Variants in RGS5 observed in about 807,000 individuals in gnomAD.
RGS5 encodes regulator of G protein signaling 5, also known as regulator of G-protein signalling 5.
In RGS5, 20 loss-of-function variants were observed where a neutral mutation model predicts 18.9. That is an observed-to-expected ratio of 1.06 (90% CI 0.74 to 1.54). RGS5 has a LOEUF of 1.54. Ranked by LOEUF, RGS5 falls within the 40% of genes most tolerant of loss-of-function variation. RGS5 has a pLI of 0.00. For missense variants in RGS5, 201 were observed against 211.8 expected (o/e 0.95, Z 0.32); for synonymous variants, 57 against 76.2 (o/e 0.75, Z 1.31).
At chr1:163,188,209 G>A (rs989450822) in intron 1 of RGS5, among the ~76,000 whole-genome samples, 2 of 152,134 alleles carry the variant, frequency 1.3e-5, no homozygotes, top group African/African-American at 4.8e-5. Context: ...CATTGGATAT[G>A]TAAGGAAATA....
chr1:163,167,395 T>C (rs141481866), intron 2 of RGS5, among the ~76,000 whole-genome samples: 36 of 152,264 alleles, frequency 2.4e-4, no homozygotes, highest in African/African-American at 8.2e-4. Context: ...GAAGATGGAG[T>C]GTATCTGTCT....
chr1:163,176,689 T>C (rs1417573572), intron 1 of RGS5, among the ~76,000 whole-genome samples: 2 of 152,088 alleles, frequency 1.3e-5, no homozygotes, highest in Non-Finnish European at 2.9e-5. Context: ...GTTCACTTAT[T>C]TATTCAACAA....
chr1:163,153,842 A>ATATG (rs397773979), intron 3 of RGS5, among the ~76,000 whole-genome samples: 4 of 151,750 alleles, frequency 2.6e-5, no homozygotes, highest in Admixed American at 2.0e-4. Flanking sequence ...ATATATATAT[A>ATATG]AACCAAAATT....
intron 2 of RGS5, among the ~76,000 whole-genome samples, chr1:163,248,036 T>C (rs1259168703): frequency 2.0e-5 from 3 of 152,186 alleles, no homozygotes; most frequent in African/African-American, 4.8e-5. Flanking sequence ...CTCATAAATA[T>C]GTAGTTAGAA....
At chr1:163,272,384 T>TTTTC (rs1648745118) in intron 2 of RGS5, among the ~76,000 whole-genome samples, 1 of 152,112 alleles carries the variant, frequency 6.6e-6, no homozygotes, top group Admixed American at 6.6e-5. Flanking sequence ...CATGGTATCC[T>TTTTC]TTGAGGCACA....
chr1:163,156,297 A>G (rs1357780907), intron 3 of RGS5, among the ~76,000 whole-genome samples: 1 of 152,220 alleles, frequency 6.6e-6, no homozygotes, highest in South Asian at 2.1e-4. Flanking sequence ...AATAATTCAT[A>G]TAAAATTCTT....
chr1:163,193,541 T>C (rs534203645), intron 1 of RGS5, among the ~76,000 whole-genome samples: 1 of 152,280 alleles, frequency 6.6e-6, no homozygotes, highest in South Asian at 2.1e-4. Flanking sequence ...GCTGTGTTGA[T>C]AATGCATGCA....
At chr1:163,272,230 T>A (rs761410795) in intron 2 of RGS5, among the ~76,000 whole-genome samples, 1 of 152,126 alleles carries the variant, frequency 6.6e-6, no homozygotes, top group Non-Finnish European at 1.5e-5. Flanking sequence ...GTAAAATGTC[T>A]ATGCCTACCT....
At chr1:163,295,587 T>C (rs986215800) in intron 2 of RGS5, among the ~76,000 whole-genome samples, 24 of 152,214 alleles carry the variant, frequency 1.6e-4, no homozygotes, top group African/African-American at 4.6e-4. Flanking sequence ...CTACACAATA[T>C]TGGTTCCCAG....
intron 2 of RGS5, among the ~76,000 whole-genome samples, chr1:163,255,980 T>A (rs1185341036): frequency 6.6e-6 from 1 of 152,126 alleles, no homozygotes; most frequent in Admixed American, 6.6e-5. Flanking sequence ...AAGAGCTATC[T>A]ATGACAAACC....
At chr1:163,161,641 G>A (rs939690005) in intron 3 of RGS5, 1 of 323,768 alleles carries the variant, frequency 3.1e-6, no homozygotes, top group Non-Finnish European at 5.8e-6. Flanking sequence ...CACTTGTTCT[G>A]GCTCATGCAA....
intron 1 of RGS5, among the ~76,000 whole-genome samples, chr1:163,215,650 T>A (rs1449712841): frequency 1.3e-5 from 2 of 152,192 alleles, no homozygotes; most frequent in Admixed American, 6.5e-5. Context: ...TACACCAGAA[T>A]GAAAGCAAAC....
chr1:163,213,535 T>C (rs1660151667), intron 1 of RGS5, among the ~76,000 whole-genome samples: 1 of 152,138 alleles, frequency 6.6e-6, no homozygotes. Context: ...AAGCTAAAGA[T>C]GGTTTAGAGG....
intron 1 of RGS5, among the ~76,000 whole-genome samples, chr1:163,169,368 G>C (rs911963167): frequency 6.6e-6 from 1 of 152,098 alleles, no homozygotes; most frequent in Non-Finnish European, 1.5e-5. Context: ...AATCCTTTGG[G>C]TATATACCCA....
intron 4 of RGS5, among the ~76,000 whole-genome samples, chr1:163,148,094 T>C (rs1417071739): frequency 6.6e-6 from 1 of 151,920 alleles, no homozygotes; most frequent in Admixed American, 6.6e-5. Context: ...GCCGGGCTAA[T>C]TTTTGTACTT....
intron 2 of RGS5, among the ~76,000 whole-genome samples, chr1:163,233,529 C>A (rs934534880): frequency 6.6e-6 from 1 of 152,140 alleles, no homozygotes; most frequent in Non-Finnish European, 1.5e-5. Context: ...CAGTGTCATG[C>A]GTGTCCATGT....
chr1:163,159,621 A>T (rs1438498734), intron 3 of RGS5, among the ~76,000 whole-genome samples: 1 of 152,134 alleles, frequency 6.6e-6, no homozygotes, highest in East Asian at 1.9e-4. Flanking sequence ...CTTCGAATGG[A>T]TTAGTGTCCC....
chr1:163,269,854 C>T (rs1195382047), intron 2 of RGS5, among the ~76,000 whole-genome samples: 1 of 152,072 alleles, frequency 6.6e-6, no homozygotes, highest in Admixed American at 6.5e-5. Flanking sequence ...GATCTCTTTC[C>T]CTCAATAAAT....
intron 1 of RGS5, among the ~76,000 whole-genome samples, chr1:163,313,943 A>G (rs1649941819): frequency 6.6e-6 from 1 of 152,028 alleles, no homozygotes; most frequent in African/African-American, 2.4e-5. Flanking sequence ...CTGGTTTCCT[A>G]GATATGTGAC....
Sources: gnomAD v4.1 joint callset for allele counts (sites outside exome capture counted in the v4.1 genomes callset) on GRCh38, gnomAD v4.1.1 for gene constraint, MANE v1.5 for transcripts, NCBI Gene and HGNC (gene_info 2026-07-23, HGNC 2026-07-21) for gene names.